The following IPO11 variants were observed in gnomAD, a reference collection of about 807,000 sequenced individuals.
IPO11 encodes importin-11.
In IPO11, 66 loss-of-function variants were observed where a neutral mutation model predicts 143.2. The ratio of observed to expected loss-of-function variants is 0.46; its 90% CI spans 0.38 to 0.57. IPO11 has a LOEUF of 0.57. IPO11 is among the 20% of genes least tolerant of loss of function. IPO11 has a pLI of 0.00. For synonymous variants in IPO11, 385 were observed against 377.8 expected (o/e 1.02, Z -0.22); for missense variants, 1,026 against 1,141.0 (o/e 0.90, Z 1.45).
intron 24 of IPO11, among the ~76,000 whole-genome samples, chr5:62,545,946 C>G (rs1389662186): frequency 4.6e-5 from 7 of 152,148 alleles, no homozygotes; most frequent in African/African-American, 1.7e-4. Flanking sequence ...AGTCAGGAAA[C>G]AACAGGTGCT....
At chr5:62,620,189 C>T (rs1184903272) in intron 29 of IPO11, among the ~76,000 whole-genome samples, 1 of 152,098 alleles carries the variant, frequency 6.6e-6, no homozygotes, top group Non-Finnish European at 1.5e-5. Context: ...TGGTTTTATA[C>T]ATTTTAGGGA....
At chr5:62,420,841 C>A (rs152206) in intron 1 of IPO11, among the ~76,000 whole-genome samples, 46,821 of 152,092 alleles carry the variant, frequency 0.31, 7,582 homozygotes, top group East Asian at 0.46. Flanking sequence ...CTCAGCCTTC[C>A]AAAGTGTTGG....
At chr5:62,526,469 A>T (rs997050562) in intron 21 of IPO11, 1 of 368,078 alleles carries the variant, frequency 2.7e-6, no homozygotes, top group Admixed American at 4.2e-5. Flanking sequence ...TTTCAATAGG[A>T]ACTCAGCTGC....
chr5:62,470,816 C>CTTTTTTTTTTTTTTT lies in IPO11; in HGVS notation c.708+523_708+537dup, dbSNP rs70981015. On this transcript the variant is annotated intron_variant, in intron 7 of 29. Transcript: ENST00000325324. ...TTCATTGTCTGTAGATAGCCATCTTCTTTTTTTTTTTTTTTTTTTTTTTTT... is the reference window on the plus strand; with the variant it reads ...TTCATTGTCTGTAGATAGCCATCTTCTTTTTTTTTTTTTTTTTTTTTTTTTTTTTTTTTTTTTTTT... Among the ~76,000 whole-genome samples the CTTTTTTTTTTTTTTT allele has an allele frequency of 1.5e-3, 94 of 62,562 alleles. 18 individuals are homozygous for CTTTTTTTTTTTTTTT. The highest frequency in any genetic ancestry group is 4.9e-3 in the East Asian group (7 of 1,418). The allele number at this position is 62,562 out of a possible 152,430, so 41.0% of individuals were successfully genotyped here.
chr5:62,469,738 A>G (rs1189317615), intron 6 of IPO11, among the ~76,000 whole-genome samples: 1 of 152,200 alleles, frequency 6.6e-6, no homozygotes, highest in Non-Finnish European at 1.5e-5. Context: ...TATCCTGCTT[A>G]TCTCTCTGTG....
chr5:62,576,947 A>G (rs1183479324), intron 27 of IPO11, among the ~76,000 whole-genome samples: 1 of 152,260 alleles, frequency 6.6e-6, no homozygotes, highest in Non-Finnish European at 1.5e-5. Flanking sequence ...AGACAAAGGC[A>G]GTGTAAAAGA....
intron 19 of IPO11, among the ~76,000 whole-genome samples, 163 bp from the exon 20 acceptor site, chr5:62,515,225 A>C (rs1258306877): frequency 6.6e-6 from 1 of 152,150 alleles, no homozygotes; most frequent in Non-Finnish European, 1.5e-5. Context: ...GCTTTTATGT[A>C]ATGTCTAATT....
chr5:62,470,578 C>T (rs1208143689), intron 7 of IPO11, among the ~76,000 whole-genome samples: 1 of 151,746 alleles, frequency 6.6e-6, no homozygotes, highest in Non-Finnish European at 1.5e-5. Context: ...AAAATGAACT[C>T]CTGTGAATTT....
intron 27 of IPO11, among the ~76,000 whole-genome samples, chr5:62,565,233 C>T (rs1162634954): frequency 6.6e-6 from 1 of 152,194 alleles, no homozygotes; most frequent in Middle Eastern, 3.2e-3. Flanking sequence ...CACCTGTAAT[C>T]CCAGCACTTT....
chr5:62,580,663 A>G lies in IPO11; in HGVS notation c.2583-10914A>G, dbSNP rs544631162. On this transcript the variant is annotated intron_variant, in intron 27 of 29. Coordinates refer to ENST00000325324, the MANE Select transcript of IPO11 (RefSeq NM_016338.5). ...CATTACAAATTGTGTTACATCTTCA[A>G]TAAATGTATCCAGAGCTTGGGCTGT... The G allele has an allele frequency of 7.1e-6, 11 of 1,551,552 alleles. No homozygotes were observed. The East Asian group carries it at 2.0e-4, about 28-fold the overall frequency.
chr5:62,459,696 G>A (rs750360815), intron 5 of IPO11, among the ~76,000 whole-genome samples: 16 of 152,076 alleles, frequency 1.1e-4, no homozygotes, highest in Non-Finnish European at 2.2e-4. Flanking sequence ...GACTACAGGC[G>A]TGTGCCACCA....
At chr5:62,458,284 T>A (rs531648519) in intron 5 of IPO11, among the ~76,000 whole-genome samples, 4 of 152,298 alleles carry the variant, frequency 2.6e-5, no homozygotes, top group Admixed American at 2.6e-4. Flanking sequence ...TATCTCTTGC[T>A]CTGTGTAATT....
At chr5:62,553,103 C>A (rs913776506) in intron 26 of IPO11, among the ~76,000 whole-genome samples, 1 of 152,116 alleles carries the variant, frequency 6.6e-6, no homozygotes, top group African/African-American at 2.4e-5. Context: ...ATCTCTCTCT[C>A]TCCTCACTTT....
intron 9 of IPO11, among the ~76,000 whole-genome samples, 198 bp from the exon 10 acceptor site, chr5:62,482,903 G>T (rs147968127): frequency 6.6e-6 from 1 of 152,126 alleles, no homozygotes; most frequent in Non-Finnish European, 1.5e-5. Flanking sequence ...CTTATTATCA[G>T]ATATAATCTA....
intron 22 of IPO11, among the ~76,000 whole-genome samples, chr5:62,534,396 A>G (rs1428363860): frequency 1.3e-5 from 2 of 152,168 alleles, no homozygotes; most frequent in South Asian, 2.1e-4. Context: ...TCTCTATAAC[A>G]TAATTTAATA....
intron 5 of IPO11, 139 bp downstream of exon 5, chr5:62,452,072 C>T (rs962775726): frequency 9.3e-6 from 6 of 642,408 alleles, no homozygotes; most frequent in African/African-American, 7.4e-5. Context: ...GGTGAAACCC[C>T]ATCTCTACTA....
intron 4 of IPO11, among the ~76,000 whole-genome samples, chr5:62,450,468 G>A (rs564308129): frequency 4.6e-5 from 7 of 152,132 alleles, no homozygotes; most frequent in Non-Finnish European, 1.0e-4. Flanking sequence ...CTATTGCACT[G>A]CTGCTAGTCT....
chr5:62,588,136 C>T (rs1487550912), intron 27 of IPO11, among the ~76,000 whole-genome samples: 1 of 152,166 alleles, frequency 6.6e-6, no homozygotes, highest in East Asian at 1.9e-4. Context: ...ACTTCAACCA[C>T]ACATTCCTCC....
intron 15 of IPO11, among the ~76,000 whole-genome samples, chr5:62,491,195 G>A (rs922884392): frequency 2.6e-5 from 4 of 152,102 alleles, no homozygotes; most frequent in African/African-American, 9.7e-5. Context: ...GAATGCATAG[G>A]TCACATTTAG....
Sources: allele counts gnomAD v4.1 joint callset (sites outside exome capture counted in the v4.1 genomes callset), GRCh38; gene constraint gnomAD v4.1.1; transcripts MANE v1.5; gene names NCBI Gene and HGNC (gene_info 2026-07-23, HGNC 2026-07-21).